CSPP1: variants seen among roughly 807,000 people sequenced by gnomAD.
The protein encoded by CSPP1 is centrosome and spindle pole associated protein 1, also known as centrosome and spindle pole-associated protein 1.
Under a neutral mutation model 164.4 loss-of-function variants are expected in CSPP1, and 126 were observed. The observed-to-expected ratio is 0.77, with a 90% CI of 0.66 to 0.89. The LOEUF is 0.89. CSPP1 is among the 40% of genes least tolerant of loss of function. The pLI, the probability that CSPP1 is intolerant of heterozygous loss-of-function variation, is 0.00. For synonymous variants in CSPP1, 472 were observed against 476.7 expected (o/e 0.99, Z 0.13); for missense variants, 1,395 against 1,449.8 (o/e 0.96, Z 0.61).
At position 67,149,947 on chromosome 8, in the gene CSPP1, CTTTTTTT is replaced by C. The variant is rs11296619; in HGVS notation, c.2128+30_2128+36del. 1.5e-4 allele frequency: 175 copies of C among 1,138,726 alleles called. No individual in the cohort carries two copies. The highest frequency in any genetic ancestry group is 1.1e-3 in the South Asian group (48 of 45,678). 70.5% of individuals were successfully genotyped at this position (1,138,726 alleles called of 1,614,324 possible). On this transcript the variant is annotated intron_variant, in intron 18 of 30. Coordinates refer to ENST00000678616, the MANE Select transcript of CSPP1 (RefSeq NM_001382391.1). ...AAATAAAAGCTCAGGTTTTTAATCA[CTTTTTTT>C]TTTTTTTTTTTTTTTTTACATTTCT...
At chr8:67,077,778 T>A (rs988487090) in intron 3 of CSPP1, among the ~76,000 whole-genome samples, 1 of 152,226 alleles carries the variant, frequency 6.6e-6, no homozygotes, top group African/African-American at 2.4e-5. Flanking sequence ...GTAGGTATAC[T>A]CCTAAATTGT....
chr8:67,070,792 G>A (rs1342338218), intron 1 of CSPP1, among the ~76,000 whole-genome samples: 1 of 150,860 alleles, frequency 6.6e-6, no homozygotes, highest in East Asian at 1.9e-4. Context: ...CTGTTGCCCA[G>A]GCTGGAGTAC....
chr8:67,117,326 G>A (rs968499767), intron 13 of CSPP1, among the ~76,000 whole-genome samples: 4 of 152,104 alleles, frequency 2.6e-5, no homozygotes, highest in South Asian at 2.1e-4. Flanking sequence ...GAGAACTTCC[G>A]TACCTTCTTA....
chr8:67,070,526 T>C (rs1163465847), intron 1 of CSPP1, among the ~76,000 whole-genome samples: 1 of 150,686 alleles, frequency 6.6e-6, no homozygotes, highest in Non-Finnish European at 1.5e-5. Flanking sequence ...ATCCCAGTGA[T>C]TCTGGTGGCC....
At chr8:67,171,696 C>T (rs1408525131) in intron 24 of CSPP1, among the ~76,000 whole-genome samples, 2 of 151,938 alleles carry the variant, frequency 1.3e-5, no homozygotes, top group African/African-American at 4.8e-5. Context: ...TACAGGCACA[C>T]ACCACCACGC....
intron 24 of CSPP1, among the ~76,000 whole-genome samples, chr8:67,165,842 T>C (rs1829206789): frequency 1.3e-5 from 2 of 152,258 alleles, no homozygotes; most frequent in Non-Finnish European, 2.9e-5. Context: ...TGACTAAATC[T>C]AGCGCACCTG....
intron 28 of CSPP1, among the ~76,000 whole-genome samples, chr8:67,186,976 T>C (rs966583490): frequency 7.5e-6 from 1 of 133,592 alleles, no homozygotes; most frequent in Non-Finnish European, 1.6e-5. Flanking sequence ...CTATCATCTA[T>C]CTATCTATCT....
At chr8:67,159,379 A>C (rs748838678) in intron 21 of CSPP1, among the ~76,000 whole-genome samples, 4 of 152,030 alleles carry the variant, frequency 2.6e-5, no homozygotes, top group Non-Finnish European at 4.4e-5. Flanking sequence ...TCTTAGTCTC[A>C]TTCCCATGGT....
chr8:67,105,326 GA>G (rs2129547646), intron 8 of CSPP1, among the ~76,000 whole-genome samples: 1 of 152,006 alleles, frequency 6.6e-6, no homozygotes, highest in South Asian at 2.1e-4. Context: ...CGCCCAGCCT[GA>G]AAAAGATTTT....
At chr8:67,107,562 A>T (rs1222932026) in intron 9 of CSPP1, among the ~76,000 whole-genome samples, 1 of 152,188 alleles carries the variant, frequency 6.6e-6, no homozygotes, top group Non-Finnish European at 1.5e-5. Flanking sequence ...ATTTAATTCA[A>T]TGACTTACCT....
rs1563712547 is a variant in CSPP1, at chr8:67,159,919, T to TCTTTCTTTCTTC, written c.2538+787_2538+788insTTTCTTCCTTTC. Among the ~76,000 whole-genome samples the TCTTTCTTTCTTC allele has an allele frequency of 1.3e-4, 8 of 59,336 alleles. 2 individuals carry two copies. Among genetic ancestry groups the TCTTTCTTTCTTC allele is most frequent in the African/African-American group, 3.5e-4 (5 of 14,086 alleles). The allele number at this position is 59,336 out of a possible 152,430, so 38.9% of individuals were successfully genotyped here. Reference sequence around the variant, plus strand: ...TTCTTTCTTTCTTTCTTTCTTTCTTTCTTTCCTTTCCTTCCTTCCTTCCTT... The same window carrying TCTTTCTTTCTTC: ...TTCTTTCTTTCTTTCTTTCTTTCTTTCTTTCTTTCTTCCTTTCCTTTCCTTCCTTCCTTCCTT... On this transcript the variant is annotated intron_variant, in intron 21 of 30. Transcript: ENST00000678616.
chr8:67,153,373 T>C (rs1826069579), intron 18 of CSPP1, among the ~76,000 whole-genome samples: 1 of 152,142 alleles, frequency 6.6e-6, no homozygotes, highest in South Asian at 2.1e-4. Context: ...TTTTATGAAA[T>C]AATTTTTTCC....
At chr8:67,148,178 C>T (rs1824991516) in intron 17 of CSPP1, among the ~76,000 whole-genome samples, 2 of 152,182 alleles carry the variant, frequency 1.3e-5, no homozygotes, top group African/African-American at 4.8e-5. Flanking sequence ...TTTGGCCTCC[C>T]AAAGTGCTGG....
intron 7 of CSPP1, among the ~76,000 whole-genome samples, chr8:67,101,964 G>A (rs957651903): frequency 3.3e-5 from 5 of 152,154 alleles, no homozygotes; most frequent in African/African-American, 1.2e-4. Flanking sequence ...GCCAATAAGT[G>A]TTGGTGTAAA....
intron 4 of CSPP1, among the ~76,000 whole-genome samples, 183 bp from the exon 5 acceptor site, chr8:67,091,620 C>CT (rs1811623685): frequency 6.6e-6 from 1 of 152,074 alleles, no homozygotes; most frequent in Admixed American, 6.6e-5. Context: ...AGAAAATTCT[C>CT]TTTTTTCCAA....
chr8:67,070,785 T>TAC (rs1806606991), intron 1 of CSPP1, among the ~76,000 whole-genome samples: 1 of 151,536 alleles, frequency 6.6e-6, no homozygotes, highest in South Asian at 2.1e-4. Context: ...TCTTGCTCTG[T>TAC]TGCCCAGGCT....
intron 9 of CSPP1, 56 bp from the exon 10 acceptor site, chr8:67,111,916 T>G (rs1563584413): frequency 1.9e-6 from 2 of 1,068,392 alleles, no homozygotes; most frequent in East Asian, 5.0e-5. Flanking sequence ...CTTAACTTTC[T>G]AATTGCATAC....
chr8:67,188,743 C>T (rs1299692759), intron 28 of CSPP1, among the ~76,000 whole-genome samples: 2 of 152,198 alleles, frequency 1.3e-5, no homozygotes, highest in Non-Finnish European at 2.9e-5. Flanking sequence ...ACTTCTGATC[C>T]AGCGGGGTGG....
rs369723292 is a variant in CSPP1 at position 67,118,767 on chromosome 8, A to C, written c.1643A>C (p.Gln548Pro). The part of the protein sequence containing the change: ...AYYGSGMMGV[Q>P]PAAYVSAPVT... The stretch of plus-strand genomic sequence containing the variant: ...GATGGTTCAGGAATGATGGGCGTAC[A>C]GCCTGCAGCTTATGTTAGTGCTCCT... The change falls in exon 15 of 31, where the codon CAG (glutamine) becomes CCG (proline). Residue 548 changes from glutamine to proline, a missense_variant. By Grantham distance (76) the Gln-to-Pro change is moderately conservative. Transcript: ENST00000678616. 137 of 1,612,386 alleles carry C rather than the reference A, an allele frequency of 8.5e-5. No individual in the cohort carries two copies. Among genetic ancestry groups the C allele is most frequent in the Non-Finnish European group, 1.1e-4 (130 of 1,178,788 alleles).
Sources: gnomAD v4.1 joint callset for allele counts (sites outside exome capture counted in the v4.1 genomes callset) on GRCh38, gnomAD v4.1.1 for gene constraint, MANE v1.5 for transcripts, NCBI Gene and HGNC (gene_info 2026-07-23, HGNC 2026-07-21) for gene names.